The following COL5A2 variants were observed in gnomAD, a reference collection of about 807,000 sequenced individuals.
COL5A2 encodes the protein collagen alpha-2(V) chain.
Under a neutral mutation model 208.2 loss-of-function variants are expected in COL5A2, and 23 were observed. The ratio of observed to expected loss-of-function variants is 0.11; its 90% CI spans 0.08 to 0.16. The LOEUF (loss-of-function observed/expected upper bound fraction) is 0.16. Ranked by LOEUF, COL5A2 falls within the 10% of genes least tolerant of loss-of-function variation. The probability of loss-of-function intolerance (pLI) is 1.00; values close to 1 mark genes in which losing one functional copy is unlikely to be tolerated. For missense variants in COL5A2, 1,590 were observed against 1,956.4 expected, an observed-to-expected ratio of 0.81 and a Z score of 3.53; for synonymous variants, 625 against 628.5, an observed-to-expected ratio of 0.99 and a Z score of 0.08.
chr2:189,134,312 G>A (rs1167535026), intron 1 of COL5A2, among the ~76,000 whole-genome samples: 1 of 152,166 alleles, frequency 6.6e-6, no homozygotes, highest in Non-Finnish European at 1.5e-5. Flanking sequence ...ATTATCAGCT[G>A]GATGTGGTGG....
the COL5A2 span, among the ~76,000 whole-genome samples, chr2:189,427,770 C>T: frequency 6.6e-6 from 1 of 152,174 alleles, no homozygotes; most frequent in Non-Finnish European, 1.5e-5. Flanking sequence ...AAGCTCTCAA[C>T]CCCCTGCTGA....
At chr2:189,249,175 G>T in the COL5A2 span, among the ~76,000 whole-genome samples, 1 of 152,064 alleles carries the variant, frequency 6.6e-6, no homozygotes, top group Non-Finnish European at 1.5e-5. Context: ...CTCTAAGATG[G>T]CTATTGAAAT....
At chr2:189,277,011 G>T in the COL5A2 span, among the ~76,000 whole-genome samples, 3 of 152,066 alleles carry the variant, frequency 2.0e-5, no homozygotes, top group Admixed American at 6.6e-5. Flanking sequence ...AAACACATCT[G>T]CATTTGAATC....
At chr2:189,054,551 T>C (rs1685860622) in intron 35 of COL5A2, among the ~76,000 whole-genome samples, 1 of 152,176 alleles carries the variant, frequency 6.6e-6, no homozygotes, top group African/African-American at 2.4e-5. Flanking sequence ...CTAATATTTA[T>C]TCGGACATTT....
intron 2 of COL5A2, among the ~76,000 whole-genome samples, chr2:189,106,636 T>C (rs1687153794): frequency 6.6e-6 from 1 of 151,364 alleles, no homozygotes; most frequent in South Asian, 2.1e-4. Context: ...TCAGTACTGT[T>C]AAATGGTAAT....
Position 189,054,061 on chromosome 2 carries a change from C to T in COL5A2, c.2445+98G>A, listed in dbSNP as rs6738371. ...GGAAAAGAACTCTGAAATGATCTTG[C>T]TCAGATACCATATGTTATAAAATGA... On this transcript the variant is annotated intron_variant, in intron 36 of 53. Transcript: ENST00000374866. 0.77 allele frequency: 1,085,049 copies of T among 1,402,578 alleles called. 424,826 individuals carry two copies. The highest frequency in any genetic ancestry group is 0.81 in the Non-Finnish European group (804,862 of 989,706). 86.9% of individuals were successfully genotyped at this position (1,402,578 alleles called of 1,614,324 possible).
intron 16 of COL5A2, among the ~76,000 whole-genome samples, chr2:189,077,659 C>T (rs1184606874): frequency 6.6e-6 from 1 of 152,180 alleles, no homozygotes; most frequent in African/African-American, 2.4e-5. Context: ...CCTTAGGACA[C>T]TCTGCTTACT....
intron 52 of COL5A2, 39 bp downstream of exon 52, chr2:189,036,577 A>T: frequency 6.6e-7 from 1 of 1,508,336 alleles, no homozygotes; most frequent in Non-Finnish European, 9.1e-7. Context: ...AAGTAGTAAA[A>T]AGTAAAGAAT....
chr2:189,071,537 C>T (rs981169778), intron 18 of COL5A2, among the ~76,000 whole-genome samples: 1 of 152,122 alleles, frequency 6.6e-6, no homozygotes, highest in African/African-American at 2.4e-5. Flanking sequence ...TTCTCCGTGC[C>T]CACTCCTTTA....
At chr2:189,342,206 T>G in the COL5A2 span, among the ~76,000 whole-genome samples, 2 of 150,948 alleles carry the variant, frequency 1.3e-5, no homozygotes, top group Non-Finnish European at 3.0e-5. Flanking sequence ...TCTTTTTTTT[T>G]TTTTTGGAGA....
the COL5A2 span, among the ~76,000 whole-genome samples, chr2:189,305,811 A>T: frequency 2.0e-5 from 2 of 99,756 alleles, no homozygotes; most frequent in African/African-American, 5.9e-5. Flanking sequence ...GAGATATTCA[A>T]TCTAAAAAAA....
At chr2:189,356,604 T>C in the COL5A2 span, among the ~76,000 whole-genome samples, 1 of 152,222 alleles carries the variant, frequency 6.6e-6, no homozygotes, top group East Asian at 1.9e-4. Context: ...TGCTCTTCTC[T>C]AAACTGATTA....
the COL5A2 span, among the ~76,000 whole-genome samples, chr2:189,261,173 A>G: frequency 1.7e-3 from 257 of 152,274 alleles, 4 homozygotes; most frequent in South Asian, 0.013. Context: ...TCCATTCAGC[A>G]TCTTTAGTGT....
At chr2:189,252,676 G>A in the COL5A2 span, among the ~76,000 whole-genome samples, 1 of 151,908 alleles carries the variant, frequency 6.6e-6, no homozygotes, top group African/African-American at 2.4e-5. Flanking sequence ...ACGAGTTAAG[G>A]GGTGCAGCAC....
chr2:189,406,191 T>C, the COL5A2 span, among the ~76,000 whole-genome samples: 2 of 152,294 alleles, frequency 1.3e-5, no homozygotes, highest in East Asian at 3.9e-4. Context: ...TTATCAAACA[T>C]GTGTTGGAAA....
chr2:189,336,130 C>T, the COL5A2 span, among the ~76,000 whole-genome samples: 6 of 152,012 alleles, frequency 3.9e-5, no homozygotes, highest in African/African-American at 1.2e-4. Flanking sequence ...CCAATAAACA[C>T]ATAAAAAGTT....
the COL5A2 span, among the ~76,000 whole-genome samples, chr2:189,264,037 T>C: frequency 6.6e-6 from 1 of 152,232 alleles, no homozygotes; most frequent in African/African-American, 2.4e-5. Context: ...TCTCTGACTA[T>C]AAAGAAAATA....
At chr2:189,411,744 T>C in the COL5A2 span, among the ~76,000 whole-genome samples, 1 of 152,214 alleles carries the variant, frequency 6.6e-6, no homozygotes, top group Non-Finnish European at 1.5e-5. Context: ...TTGATTTTTT[T>C]TAAAAAGCAC....
At chr2:189,065,180 T>C in intron 23 of COL5A2, 123 bp from the exon 24 acceptor site, 1 of 846,514 alleles carries the variant, frequency 1.2e-6, no homozygotes, top group Non-Finnish European at 2.0e-6. Flanking sequence ...AACATGGCTA[T>C]AGATATGCAT....
Sources: allele counts gnomAD v4.1 joint callset (sites outside exome capture counted in the v4.1 genomes callset), GRCh38; gene constraint gnomAD v4.1.1; transcripts MANE v1.5; gene names NCBI Gene and HGNC (gene_info 2026-07-23, HGNC 2026-07-21).